Variants in BLNK observed in about 807,000 individuals in gnomAD.
BLNK encodes the protein B cell linker.
BLNK carries 29 observed loss-of-function variants against 73.5 expected under a neutral mutation model. The ratio of observed to expected loss-of-function variants is 0.39; its 90% CI spans 0.29 to 0.54. BLNK has a LOEUF of 0.54. Among genes scored for constraint, BLNK ranks in the 20% least tolerant of loss-of-function variants. BLNK has a pLI of 0.61. For missense variants in BLNK, 460 were observed against 562.8 expected, an observed-to-expected ratio of 0.82 and a Z score of 1.85; for synonymous variants, 176 against 200.8, an observed-to-expected ratio of 0.88 and a Z score of 1.04.
At position 96,190,837 on chromosome 10, in the gene BLNK, T is replaced by C. The variant is rs1449933277; in HGVS notation, c.*1136A>G. Among the ~76,000 whole-genome samples the C allele has an allele frequency of 6.6e-6, 1 of 152,238 alleles. No individual in the cohort carries two copies. Among genetic ancestry groups the C allele is most frequent in the African/African-American group, 2.4e-5 (1 of 41,468 alleles). On this transcript the variant is annotated 3_prime_UTR_variant, in exon 17 of 17. Transcript: ENST00000224337. ...ATTCTCCACGATGGTATCTCTTTTATTCCTTGGTGTTCACCAATGTCTGCT... is the reference window on the plus strand; with the variant it reads ...ATTCTCCACGATGGTATCTCTTTTACTCCTTGGTGTTCACCAATGTCTGCT...
intron 3 of BLNK, among the ~76,000 whole-genome samples, chr10:96,235,497 C>G (rs1842658854): frequency 6.6e-6 from 1 of 152,176 alleles, no homozygotes; most frequent in Non-Finnish European, 1.5e-5. Flanking sequence ...AGTCCAAGGT[C>G]TTCTCACCAA....
chr10:96,249,323 G>T (rs1353287494), intron 1 of BLNK, among the ~76,000 whole-genome samples: 2 of 152,246 alleles, frequency 1.3e-5, no homozygotes, highest in Admixed American at 6.5e-5. Flanking sequence ...TAGAATGCCC[G>T]TGCGGTGGAA....
rs587640323 is a variant in BLNK, at chr10:96,214,775, C to A, written c.676+546G>T. 1.9e-4 allele frequency among the ~76,000 whole-genome samples: 29 copies of A among 152,288 alleles called. 1 individual carries two copies. Among genetic ancestry groups the A allele is most frequent in the Admixed American group, 1.7e-3 (26 of 15,304 alleles). On this transcript the variant is annotated intron_variant, in intron 8 of 16. Transcript: ENST00000224337. ...AACGCTACAGAAGTGAAAAATCATT[C>A]TCTCTCCTCAGCACTTAGTGTGTAC... is the stretch of plus-strand genomic sequence containing the variant.
intron 3 of BLNK, among the ~76,000 whole-genome samples, chr10:96,242,311 T>C (rs897376995): frequency 2.0e-5 from 3 of 152,236 alleles, no homozygotes. Context: ...CCCCCAGCCA[T>C]GTGGAACTGT....
chr10:96,192,719 G>T (rs1269441873), intron 16 of BLNK, among the ~76,000 whole-genome samples: 2 of 151,782 alleles, frequency 1.3e-5, no homozygotes, highest in Non-Finnish European at 2.9e-5. Flanking sequence ...GTTGTCTATG[G>T]GTTTTAATTT....
intron 6 of BLNK, among the ~76,000 whole-genome samples, chr10:96,222,444 C>T (rs1343199864): frequency 2.6e-5 from 4 of 152,198 alleles, no homozygotes; most frequent in African/African-American, 9.7e-5. Context: ...GGAGCCATAA[C>T]ACATTAGGCT....
At chr10:96,220,160 C>A (rs35030481) in intron 6 of BLNK, among the ~76,000 whole-genome samples, 53,551 of 152,004 alleles carry the variant, frequency 0.35, 10,144 homozygotes, top group South Asian at 0.48. Context: ...TGTGGTCCAC[C>A]TCAGGCTTGG....
chr10:96,221,904 A>G (rs2084204773), intron 6 of BLNK, among the ~76,000 whole-genome samples: 1 of 152,120 alleles, frequency 6.6e-6, no homozygotes, highest in African/African-American at 2.4e-5. Context: ...GCATTGTGGG[A>G]GCTATGACAA....
intron 1 of BLNK, among the ~76,000 whole-genome samples, chr10:96,269,400 A>C (rs1343667492): frequency 1.3e-5 from 2 of 150,362 alleles, no homozygotes; most frequent in Admixed American, 1.3e-4. Context: ...ATAGTTCTAC[A>C]TTATGGAATA....
At chr10:96,254,920 G>T (rs897664876) in intron 1 of BLNK, among the ~76,000 whole-genome samples, 3 of 152,104 alleles carry the variant, frequency 2.0e-5, no homozygotes, top group Admixed American at 6.5e-5. Context: ...CTTGACTTTG[G>T]CTGCACATTA....
chr10:96,213,922 A>G (rs1554899218), intron 8 of BLNK, among the ~76,000 whole-genome samples: 1 of 152,182 alleles, frequency 6.6e-6, no homozygotes, highest in East Asian at 1.9e-4. Context: ...TCCACTCCCC[A>G]CTTATAAAGC....
At chr10:96,258,019 T>G (rs1479712688) in intron 1 of BLNK, among the ~76,000 whole-genome samples, 1 of 152,220 alleles carries the variant, frequency 6.6e-6, no homozygotes. Context: ...TTAGTGACTA[T>G]CCTGTTACTT....
In BLNK at chr10:96,207,050, G is replaced by C; in HGVS notation, c.778C>G (p.Pro260Ala). ...KKPTTPLKTT[P>A]VASQQNASSV... ...GAAGCATTCTGTTGAGAGGCAACTG[G>C]AGTCTATGTAAAAGAAAAAAAGGCA... The change falls in exon 11 of 17, where the codon CCA (proline) becomes GCA (alanine). Residue 260 changes from proline (P) to alanine (A), a missense_variant. This residue lies in a region of BLNK where 233 missense variants were observed against 232.1 expected (regional missense o/e 1.00). Transcript: ENST00000224337. 1 of 1,613,880 alleles carries C rather than the reference G, an allele frequency of 6.2e-7. No individual in the cohort carries two copies. Among genetic ancestry groups the C allele is most frequent in the Non-Finnish European group, 8.5e-7 (1 of 1,179,824 alleles).
chr10:96,270,390 G>A (rs868917011), intron 1 of BLNK, among the ~76,000 whole-genome samples: 1 of 152,046 alleles, frequency 6.6e-6, no homozygotes, highest in Non-Finnish European at 1.5e-5. Flanking sequence ...TGAACATTTG[G>A]CTAAGTTCTA....
chr10:96,264,078 T>C (rs1292664905), intron 1 of BLNK, among the ~76,000 whole-genome samples: 9 of 152,180 alleles, frequency 5.9e-5, no homozygotes, highest in Non-Finnish European at 5.9e-5. Context: ...ATAATGTGCA[T>C]GGTTCCTAGG....
At chr10:96,259,849 A>G (rs1843677914) in intron 1 of BLNK, among the ~76,000 whole-genome samples, 1 of 151,842 alleles carries the variant, frequency 6.6e-6, no homozygotes, top group Admixed American at 6.6e-5. Flanking sequence ...GTGTCCTTCA[A>G]AAACCCTGGT....
intron 1 of BLNK, among the ~76,000 whole-genome samples, chr10:96,268,093 T>C (rs1211027598): frequency 6.6e-6 from 1 of 152,202 alleles, no homozygotes; most frequent in East Asian, 1.9e-4. Context: ...ATAAGATAAC[T>C]GGGGAGACCC....
intron 15 of BLNK, chr10:96,199,447 G>A: frequency 2.2e-6 from 1 of 454,318 alleles, no homozygotes; most frequent in South Asian, 1.6e-5. Flanking sequence ...CTCCTCAGTG[G>A]AGCTCATGCA....
chr10:96,220,107 A>G (rs991203959), intron 6 of BLNK, among the ~76,000 whole-genome samples: 1 of 152,226 alleles, frequency 6.6e-6, no homozygotes, highest in Non-Finnish European at 1.5e-5. Flanking sequence ...TGGACCCTGT[A>G]TAAATCAGAT....
Sources: allele counts gnomAD v4.1 joint callset (sites outside exome capture counted in the v4.1 genomes callset), GRCh38; gene constraint gnomAD v4.1.1; regional missense constraint gnomAD v4.1.1; transcripts MANE v1.5; gene names NCBI Gene and HGNC (gene_info 2026-07-23, HGNC 2026-07-21).